Variants in CLCN5 observed in about 807,000 individuals in gnomAD.
The protein encoded by CLCN5 is H(+)/Cl(-) exchange transporter 5.
A neutral mutation model predicts 54.0 loss-of-function variants in CLCN5; 17 were observed. That is an observed-to-expected ratio of 0.31 (90% CI 0.22 to 0.47). The LOEUF is 0.47. Among genes scored for constraint, CLCN5 ranks in the 20% least tolerant of loss-of-function variants. The probability of loss-of-function intolerance (pLI) is 1.00; values close to 1 mark genes in which losing one functional copy is unlikely to be tolerated. For missense variants in CLCN5, 448 were observed against 646.7 expected (o/e 0.69, Z 3.33); for synonymous variants, 222 against 233.0 (o/e 0.95, Z 0.43).
At chrX:50,022,651 C>T (rs1191274585) in intron 3 of CLCN5, among the ~76,000 whole-genome samples, 4 of 81,734 alleles carry the variant, frequency 4.9e-5, no homozygotes, top group African/African-American at 6.5e-5. Flanking sequence ...GCTTTGAATG[C>T]GTCCCAGAGA....
At chrX:49,935,919 A>G (rs1304392607) in intron 3 of CLCN5, among the ~76,000 whole-genome samples, 1 of 111,127 alleles carries the variant, frequency 9.0e-6, no homozygotes, top group African/African-American at 3.3e-5. Context: ...TAGATTGGAT[A>G]TGGCAGAGTG....
rs200006437 is a variant in CLCN5, at chrX:50,090,877, C to T, written c.2351C>T (p.Thr784Ile). ...RKLGLRQCLV[T>I]HNGRLLGIIT... ...CTGGGACTGCGGCAGTGCCTGGTTA[C>T]ACACAACGGGTAAGAAGTCTTGAGT... Residue 784 changes from threonine (T) to isoleucine (I), a missense_variant, in exon 14 of 15, where the codon ACA becomes ATA. Physicochemically the swap from Thr to Ile is moderately conservative, Grantham distance 89 (BLOSUM62 -1). Coordinates refer to ENST00000376091, the MANE Select transcript of CLCN5 (RefSeq NM_001127898.4). 2.5e-6 allele frequency: 3 copies of T among 1,201,026 alleles called. No individual in the cohort carries two copies. Among genetic ancestry groups the T allele is most frequent in the Non-Finnish European group, 3.4e-6 (3 of 887,292 alleles).
chrX:49,960,334 C>T (rs1467585351), intron 3 of CLCN5, among the ~76,000 whole-genome samples: 2 of 110,915 alleles, frequency 1.8e-5, no homozygotes, highest in Non-Finnish European at 3.8e-5. Context: ...CTGATTATAT[C>T]CATGACCAAA....
intron 3 of CLCN5, among the ~76,000 whole-genome samples, chrX:49,929,772 G>GTTTTTTT (rs1348714780): frequency 6.0e-5 from 6 of 99,751 alleles, no homozygotes; most frequent in African/African-American, 2.5e-4. Context: ...ATAAATATAG[G>GTTTTTTT]TTTTTTGTTT....
At chrX:49,972,112 GGTGTGTGTGTGTGTGT>G (rs61157983) in intron 3 of CLCN5, among the ~76,000 whole-genome samples, 5,662 of 86,520 alleles carry the variant, frequency 0.065, 182 homozygotes, top group Non-Finnish European at 0.09. Flanking sequence ...TGCATTCTCT[GGTGTGTGTGTGTGTGT>G]GTGTGTGTGT....
At chrX:50,070,814 A>C (rs1220087796) in intron 5 of CLCN5, among the ~76,000 whole-genome samples, 1 of 111,087 alleles carries the variant, frequency 9.0e-6, no homozygotes. Flanking sequence ...CTTCTCAGAG[A>C]GACTTGCCAA....
rs1415505163 is a variant in CLCN5 at position 50,080,498 on chromosome X, T to G, written c.604-96T>G. On this transcript the variant is annotated intron_variant, in intron 7 of 14. Transcript: ENST00000376091. The stretch of plus-strand genomic sequence containing the variant: ...TAATCTCGGTGGTTTTTTTTTTTTT[T>G]GGACTTTTTTTCCTGAAAAAACATT... The G allele has an allele frequency of 9.5e-6, 7 of 736,300 alleles. No individual in the cohort carries two copies. In the East Asian group the frequency reaches 2.6e-4, roughly 27 times the overall value. 60.7% of individuals were successfully genotyped at this position (736,300 alleles called of 1,213,427 possible). A position where few individuals can be genotyped will look rare whatever the true frequency, so the allele number is the denominator to read the frequency against.
chrX:50,042,224 T>C, intron 3 of CLCN5, 92 bp from the exon 4 acceptor site: 2 of 387,302 alleles, frequency 5.2e-6, no homozygotes, highest in African/African-American at 2.6e-5. Context: ...TGCTACTGAA[T>C]TGTATACTTC....
At chrX:50,027,017 C>CTTTTT (rs113714534) in intron 3 of CLCN5, among the ~76,000 whole-genome samples, 1 of 98,168 alleles carries the variant, frequency 1.0e-5, no homozygotes, top group Non-Finnish European at 2.1e-5. Flanking sequence ...TTCTTTCTTT[C>CTTTTT]TTTTTTTTTT....
intron 4 of CLCN5, among the ~76,000 whole-genome samples, chrX:50,056,079 C>T (rs1932737932): frequency 9.2e-6 from 1 of 108,647 alleles, no homozygotes; most frequent in East Asian, 2.9e-4. Flanking sequence ...TTTTTTGAAA[C>T]TTATTTTTCT....
intron 4 of CLCN5, among the ~76,000 whole-genome samples, chrX:50,047,256 CTG>C (rs1430388742): frequency 9.0e-6 from 1 of 111,703 alleles, no homozygotes; most frequent in Non-Finnish European, 1.9e-5. Context: ...ACTAGAGCAA[CTG>C]TGTGGATTGT....
At chrX:50,052,639 G>A (rs1460958408) in intron 4 of CLCN5, among the ~76,000 whole-genome samples, 1 of 111,118 alleles carries the variant, frequency 9.0e-6, no homozygotes, top group Non-Finnish European at 1.9e-5. Flanking sequence ...TAAATGTTTG[G>A]TAGAACTTAC....
intron 10 of CLCN5, 110 bp downstream of exon 10, chrX:50,086,170 C>T: frequency 1.2e-6 from 1 of 854,851 alleles, no homozygotes; most frequent in Non-Finnish European, 1.7e-6. Context: ...TATCCCAGTC[C>T]CTGAGTGCTC....
At chrX:50,014,724 T>TCCCCCCC in intron 3 of CLCN5, 1 of 209,885 alleles carries the variant, frequency 4.8e-6, no homozygotes, top group Non-Finnish European at 9.3e-6. Context: ...ACATCACCCC[T>TCCCCCCC]CCCACCCTCC....
At chrX:50,005,346 C>T (rs782207488) in intron 3 of CLCN5, among the ~76,000 whole-genome samples, 3 of 111,479 alleles carry the variant, frequency 2.7e-5, no homozygotes, top group East Asian at 2.8e-4. Context: ...TAGTTGCCAC[C>T]GATGCTCAAT....
At chrX:49,959,690 C>A (rs1304728668) in intron 3 of CLCN5, among the ~76,000 whole-genome samples, 3 of 111,471 alleles carry the variant, frequency 2.7e-5, no homozygotes, top group African/African-American at 9.8e-5. Flanking sequence ...TATGTCTATT[C>A]CTTTCATTGG....
At chrX:50,006,348 G>T (rs1930147908) in intron 3 of CLCN5, among the ~76,000 whole-genome samples, 2 of 112,092 alleles carry the variant, frequency 1.8e-5, no homozygotes, top group Non-Finnish European at 3.8e-5. Flanking sequence ...GCATGCAAGT[G>T]CTGTCCCAGT....
intron 3 of CLCN5, among the ~76,000 whole-genome samples, chrX:49,992,643 T>A (rs1929321672): frequency 8.9e-6 from 1 of 111,842 alleles, no homozygotes; most frequent in South Asian, 3.8e-4. Flanking sequence ...ATATGCTGAG[T>A]GTTCGGCATG....
In CLCN5 at chrX:50,096,762, A is replaced by C. The variant is rs1410951561; in HGVS notation, c.*4543A>C. 8.9e-6 allele frequency: 1 copy of C among 112,561 alleles called. No individual in the cohort carries two copies. The highest frequency in any genetic ancestry group is 1.9e-5 in the Non-Finnish European group (1 of 53,211). 9.3% of individuals were successfully genotyped at this position (112,561 alleles called of 1,213,427 possible). A position where few individuals can be genotyped will look rare whatever the true frequency, so the allele number is the denominator to read the frequency against. On this transcript the variant is annotated 3_prime_UTR_variant, in exon 15 of 15. Coordinates refer to ENST00000376091, the MANE Select transcript of CLCN5 (RefSeq NM_001127898.4). ...AAGGAAAGCCATCCCACACCCCTAC[A>C]ACATATGTTCTGGCATTTATAAACT...
Sources: gnomAD v4.1 joint callset for allele counts (sites outside exome capture counted in the v4.1 genomes callset) on GRCh38, gnomAD v4.1.1 for gene constraint, MANE v1.5 for transcripts, NCBI Gene and HGNC (gene_info 2026-07-23, HGNC 2026-07-21) for gene names.